The following LRP1B variants were observed in gnomAD, a reference collection of about 807,000 sequenced individuals.
LRP1B encodes low-density lipoprotein receptor-related protein 1B.
A neutral mutation model predicts 556.6 loss-of-function variants in LRP1B; 217 were observed. The observed-to-expected ratio is 0.39, with a 90% CI of 0.35 to 0.44. The LOEUF (loss-of-function observed/expected upper bound fraction) is 0.44. Among genes scored for constraint, LRP1B ranks in the 20% least tolerant of loss-of-function variants. LRP1B has a pLI of 1.00. For missense variants in LRP1B, 5,053 were observed against 5,620.8 expected (o/e 0.90, Z 3.23); for synonymous variants, 2,047 against 1,865.8 (o/e 1.10, Z -2.50).
chr2:141,496,156 C>A (rs1022069629), intron 2 of LRP1B, among the ~76,000 whole-genome samples: 1 of 151,896 alleles, frequency 6.6e-6, no homozygotes, highest in African/African-American at 2.4e-5. Context: ...TATTATTAAA[C>A]AATTTCACCA....
At chr2:141,905,164 G>A (rs1227846506) in intron 1 of LRP1B, among the ~76,000 whole-genome samples, 1 of 151,894 alleles carries the variant, frequency 6.6e-6, no homozygotes, top group Non-Finnish European at 1.5e-5. Flanking sequence ...GCAGAGTTAG[G>A]AATTGGTGCT....
chr2:141,828,633 C>T (rs968978316), intron 1 of LRP1B, among the ~76,000 whole-genome samples: 4 of 152,056 alleles, frequency 2.6e-5, no homozygotes, highest in East Asian at 1.9e-4. Context: ...TAAGTTACCT[C>T]GTGCTGGTTT....
chr2:141,742,244 TTTC>T (rs1214887236), intron 2 of LRP1B, among the ~76,000 whole-genome samples: 13 of 126,380 alleles, frequency 1.0e-4, no homozygotes, highest in East Asian at 2.2e-4. Flanking sequence ...CAGTTTTTTT[TTTC>T]TTTCTTTCTT....
intron 2 of LRP1B, among the ~76,000 whole-genome samples, chr2:141,788,986 A>G (rs1695518215): frequency 2.0e-5 from 3 of 152,032 alleles, no homozygotes; most frequent in African/African-American, 4.8e-5. Flanking sequence ...TAGTGCCACA[A>G]TAAACATATG....
chr2:141,883,334 G>A (rs561564933), intron 1 of LRP1B, among the ~76,000 whole-genome samples: 2 of 152,236 alleles, frequency 1.3e-5, no homozygotes, highest in East Asian at 3.9e-4. Flanking sequence ...ATAACAATAA[G>A]TGTTCTTGAT....
chr2:140,689,435 T>C (rs1012812625), intron 41 of LRP1B, among the ~76,000 whole-genome samples: 3 of 152,226 alleles, frequency 2.0e-5, no homozygotes, highest in Admixed American at 2.0e-4. Context: ...CTGGAGTCTC[T>C]TTGAATCTGC....
At chr2:141,049,340 A>T in intron 10 of LRP1B, 118 bp from the exon 11 acceptor site, 1 of 707,926 alleles carries the variant, frequency 1.4e-6, no homozygotes, top group South Asian at 1.8e-5. Flanking sequence ...CTAAAAATTA[A>T]ACTCTAAAAT....
chr2:141,475,867 C>T (rs1682686339), intron 3 of LRP1B, among the ~76,000 whole-genome samples: 1 of 152,134 alleles, frequency 6.6e-6, no homozygotes, highest in Non-Finnish European at 1.5e-5. Context: ...TTGAGAACCA[C>T]CTCCGTCCAA....
At chr2:140,532,051 A>C (rs1690718632) in intron 47 of LRP1B, among the ~76,000 whole-genome samples, 1 of 152,042 alleles carries the variant, frequency 6.6e-6, no homozygotes, top group African/African-American at 2.4e-5. Flanking sequence ...CTTCTGATCA[A>C]CATCTATTAC....
chr2:140,300,701 A>G (rs1348226577), intron 83 of LRP1B, among the ~76,000 whole-genome samples: 1 of 152,168 alleles, frequency 6.6e-6, no homozygotes, highest in Non-Finnish European at 1.5e-5. Flanking sequence ...AGTGTCAAGT[A>G]CTGGTTGTAG....
chr2:140,277,094 T>TTA (rs1553437922), intron 84 of LRP1B, among the ~76,000 whole-genome samples: 1 of 151,746 alleles, frequency 6.6e-6, no homozygotes. Flanking sequence ...GCTTTTTTTT[T>TTA]ATAACTATAC....
At position 140,495,597 on chromosome 2, in the gene LRP1B, G is replaced by C. The variant is rs1688888729; in HGVS notation, c.9002C>G (p.Pro3001Arg). 1 of 1,600,242 alleles carries C rather than the reference G, an allele frequency of 6.2e-7. No homozygotes were observed. The highest frequency in any genetic ancestry group is 1.3e-5 in the African/African-American group (1 of 74,772). Reference sequence around the variant, plus strand: ...CGATTTGCAGCCATTTGGGTTATCAGGTTGTATTTCATACCCATCTGTACA... The same window carrying C: ...CGATTTGCAGCCATTTGGGTTATCACGTTGTATTTCATACCCATCTGTACA... Reference protein sequence around the residue: ...CLCTDGYEIQPDNPNGCKSLS... With the variant: ...CLCTDGYEIQRDNPNGCKSLS... Residue 3001 changes from proline to arginine, a missense_variant, in exon 56 of 91, where the codon CCT becomes CGT. Pro to Arg is a moderately radical substitution (Grantham distance 103). Coordinates refer to ENST00000389484, the MANE Select transcript of LRP1B (RefSeq NM_018557.3).
intron 1 of LRP1B, among the ~76,000 whole-genome samples, chr2:141,978,642 G>T (rs1030128677): frequency 2.0e-5 from 3 of 151,888 alleles, no homozygotes; most frequent in Non-Finnish European, 4.4e-5. Context: ...AAAGGCAATA[G>T]ATTTAATGTA....
intron 41 of LRP1B, among the ~76,000 whole-genome samples, chr2:140,662,991 C>T (rs79543758): frequency 0.061 from 9,197 of 151,966 alleles, 555 homozygotes; most frequent in East Asian, 0.25. Context: ...GGGTAAAGGG[C>T]TACAGTTAAG....
intron 2 of LRP1B, among the ~76,000 whole-genome samples, chr2:141,554,416 T>TA (rs772428827): frequency 2.7e-5 from 4 of 150,508 alleles, no homozygotes; most frequent in Non-Finnish European, 5.9e-5. Context: ...TAGGAATAGA[T>TA]ATAGATACAT....
intron 2 of LRP1B, among the ~76,000 whole-genome samples, chr2:141,677,723 G>A (rs557156027): frequency 4.6e-5 from 7 of 152,028 alleles, no homozygotes; most frequent in South Asian, 2.1e-4. Context: ...TCCTGACCTC[G>A]GGTGATCCGC....
chr2:142,050,419 T>G (rs2105230551), intron 1 of LRP1B, among the ~76,000 whole-genome samples: 1 of 152,222 alleles, frequency 6.6e-6, no homozygotes, highest in Admixed American at 6.5e-5. Context: ...AAAACATTGT[T>G]TTGACAGGTG....
At chr2:140,541,136 G>T (rs188228738) in intron 44 of LRP1B, 38 bp from the exon 45 acceptor site, 1 of 1,531,150 alleles carries the variant, frequency 6.5e-7, no homozygotes, top group South Asian at 1.1e-5. Context: ...ATTTTATATC[G>T]AATTCCTGTT....
At chr2:141,817,316 T>A (rs1489307088) in intron 1 of LRP1B, among the ~76,000 whole-genome samples, 2 of 152,084 alleles carry the variant, frequency 1.3e-5, no homozygotes, top group East Asian at 3.9e-4. Flanking sequence ...TCAAAGCTAG[T>A]ACCATGTATA....
Sources: allele counts gnomAD v4.1 joint callset (sites outside exome capture counted in the v4.1 genomes callset), GRCh38; gene constraint gnomAD v4.1.1; transcripts MANE v1.5; gene names NCBI Gene and HGNC (gene_info 2026-07-23, HGNC 2026-07-21).